The following CAB39L variants were observed in gnomAD, a reference collection of about 807,000 sequenced individuals.
CAB39L encodes the protein calcium binding protein 39 like.
In CAB39L, 23 loss-of-function variants were observed where a neutral mutation model predicts 39.1. The ratio of observed to expected loss-of-function variants is 0.59; its 90% CI spans 0.42 to 0.83. CAB39L has a LOEUF of 0.83. Ranked by LOEUF, CAB39L falls within the 40% of genes least tolerant of loss-of-function variation. The pLI, the probability that CAB39L is intolerant of heterozygous loss-of-function variation, is 0.00. For missense variants in CAB39L, 366 were observed against 391.9 expected, an observed-to-expected ratio of 0.93 and a Z score of 0.56; for synonymous variants, 126 against 137.2, an observed-to-expected ratio of 0.92 and a Z score of 0.57.
At chr13:49,355,230 T>C (rs912214003) in intron 6 of CAB39L, among the ~76,000 whole-genome samples, 5 of 150,946 alleles carry the variant, frequency 3.3e-5, no homozygotes, top group Non-Finnish European at 5.9e-5. Context: ...AAAAAAAAAT[T>C]AATTAGCTAA....
intron 3 of CAB39L, among the ~76,000 whole-genome samples, chr13:49,417,537 T>C (rs1256186212): frequency 1.3e-5 from 2 of 152,152 alleles, no homozygotes; most frequent in Non-Finnish European, 2.9e-5. Context: ...AACAATAGAA[T>C]AATATGTTAA....
At chr13:49,382,561 G>A (rs1405414482) in intron 4 of CAB39L, 1 of 308,514 alleles carries the variant, frequency 3.2e-6, no homozygotes, top group African/African-American at 2.2e-5. Context: ...AGATCTTTAA[G>A]CTGTGTAGTC....
intron 5 of CAB39L, among the ~76,000 whole-genome samples, chr13:49,366,594 T>C (rs1593996286): frequency 8.3e-6 from 1 of 120,860 alleles, no homozygotes; most frequent in African/African-American, 3.3e-5. Flanking sequence ...GCCATTGCAC[T>C]CCAGCCTGGG....
At chr13:49,322,840 C>T (rs538086371) in intron 10 of CAB39L, among the ~76,000 whole-genome samples, 60 of 152,300 alleles carry the variant, frequency 3.9e-4, no homozygotes, top group South Asian at 3.7e-3. Context: ...ATGACCTATT[C>T]CAGTGTCTAC....
intron 1 of CAB39L, among the ~76,000 whole-genome samples, chr13:49,442,801 A>C (rs982890738): frequency 3.7e-3 from 557 of 150,378 alleles, no homozygotes; most frequent in Non-Finnish European, 5.2e-3. Flanking sequence ...AAAAAAAAAA[A>C]AAAAAAAAAA....
chr13:49,334,175 A>G (rs1954788417), intron 9 of CAB39L, among the ~76,000 whole-genome samples: 1 of 152,028 alleles, frequency 6.6e-6, no homozygotes, highest in South Asian at 2.1e-4. Flanking sequence ...CTGACCTACT[A>G]CCACAGCATG....
At chr13:49,395,998 C>T (rs1566115387) in intron 3 of CAB39L, among the ~76,000 whole-genome samples, 1 of 150,542 alleles carries the variant, frequency 6.6e-6, no homozygotes, top group Non-Finnish European at 1.5e-5. Flanking sequence ...GGTGCGGTAG[C>T]TCACACCTGT....
At chr13:49,405,048 G>T (rs1956842687) in intron 3 of CAB39L, among the ~76,000 whole-genome samples, 1 of 152,038 alleles carries the variant, frequency 6.6e-6, no homozygotes, top group African/African-American at 2.4e-5. Flanking sequence ...CAAATGTAGA[G>T]AAAGATATCA....
At position 49,444,020 on chromosome 13, in the gene CAB39L, C is replaced by T. The variant is rs1393315962; in HGVS notation, c.-280G>A. On this transcript the variant is annotated 5_prime_UTR_variant, in exon 1 of 11. Transcript: ENST00000409308. ...CAGCTGCGCCACCACTCCAGTGATG[C>T]CGGCCTCTCGACTACGAGTAACTCC... 1 of 456,684 alleles carries T rather than the reference C, an allele frequency of 2.2e-6. No individual in the cohort carries two copies. Among genetic ancestry groups the T allele is most frequent in the Non-Finnish European group, 4.4e-6 (1 of 226,936 alleles). The allele number at this position is 456,684 out of a possible 1,614,324, so 28.3% of individuals were successfully genotyped here.
chr13:49,433,170 A>G (rs1228662156), intron 3 of CAB39L, 148 bp downstream of exon 3: 1 of 245,622 alleles, frequency 4.1e-6, no homozygotes, highest in East Asian at 1.1e-4. Flanking sequence ...ATTGCTACAA[A>G]TCAGTCTACT....
intron 3 of CAB39L, among the ~76,000 whole-genome samples, chr13:49,405,076 G>A (rs557852162): frequency 2.6e-5 from 4 of 152,066 alleles, no homozygotes; most frequent in African/African-American, 9.6e-5. Context: ...AGTATGAGAA[G>A]GTTATAGAAC....
intron 3 of CAB39L, among the ~76,000 whole-genome samples, chr13:49,392,188 C>T (rs1024357906): frequency 6.6e-6 from 1 of 152,074 alleles, no homozygotes; most frequent in African/African-American, 2.4e-5. Flanking sequence ...ACTACATATA[C>T]AGTGTATGTA....
intron 3 of CAB39L, among the ~76,000 whole-genome samples, chr13:49,407,785 T>C (rs1956911496): frequency 6.9e-6 from 1 of 145,656 alleles, no homozygotes; most frequent in Admixed American, 7.1e-5. Flanking sequence ...CCAGCCCTTA[T>C]GGGAGGCTGA....
At chr13:49,337,313 G>A (rs1954875946) in intron 9 of CAB39L, among the ~76,000 whole-genome samples, 1 of 152,160 alleles carries the variant, frequency 6.6e-6, no homozygotes, top group South Asian at 2.1e-4. Flanking sequence ...TAGCAAGCTG[G>A]ACCATCATAT....
At chr13:49,338,474 G>A (rs1412798379) in intron 9 of CAB39L, among the ~76,000 whole-genome samples, 1 of 141,478 alleles carries the variant, frequency 7.1e-6, no homozygotes, top group Non-Finnish European at 1.5e-5. Flanking sequence ...ACACAGGAAG[G>A]GGAACATCAC....
rs548461204 is a variant in CAB39L at position 49,310,744 on chromosome 13, T to C, written c.*70A>G. The C allele has an allele frequency of 3.3e-6, 5 of 1,497,276 alleles. No individual in the cohort carries two copies. The East Asian group carries it at 9.1e-5, about 27-fold the overall frequency. The allele number at this position is 1,497,276 out of a possible 1,614,324, so 92.7% of individuals were successfully genotyped here. On this transcript the variant is annotated 3_prime_UTR_variant, in exon 11 of 11. Transcript: ENST00000409308. The stretch of plus-strand genomic sequence containing the variant: ...CCAAAGTCTTCCCAAGAATGATGAC[T>C]TTCTGAAATGACACACTGTACAAAC...
intron 5 of CAB39L, among the ~76,000 whole-genome samples, chr13:49,365,843 C>T (rs933208513): frequency 2.0e-5 from 3 of 152,216 alleles, no homozygotes; most frequent in African/African-American, 7.2e-5. Flanking sequence ...GATATCTACA[C>T]TCCCATATAT....
chr13:49,330,519 G>A (rs367585441), intron 10 of CAB39L, among the ~76,000 whole-genome samples: 1 of 152,076 alleles, frequency 6.6e-6, no homozygotes, highest in East Asian at 1.9e-4. Context: ...CAGCTACTTA[G>A]AAGGCTGAGG....
intron 5 of CAB39L, among the ~76,000 whole-genome samples, chr13:49,368,957 T>C (rs1955839910): frequency 6.6e-6 from 1 of 152,110 alleles, no homozygotes; most frequent in Non-Finnish European, 1.5e-5. Flanking sequence ...GCCATTGACT[T>C]TTATATAGAA....
Sources: allele counts gnomAD v4.1 joint callset (sites outside exome capture counted in the v4.1 genomes callset), GRCh38; gene constraint gnomAD v4.1.1; transcripts MANE v1.5; gene names NCBI Gene and HGNC (gene_info 2026-07-23, HGNC 2026-07-21).